Variants in DHRS7B observed in about 807,000 individuals in gnomAD.
DHRS7B encodes the protein peroxisomal reductase activating PPAR-gamma.
In DHRS7B, 24 loss-of-function variants were observed where a neutral mutation model predicts 26.4. That is an observed-to-expected ratio of 0.91 (90% CI 0.66 to 1.28). DHRS7B has a LOEUF of 1.28. Ranked by LOEUF, DHRS7B falls within the 50% of genes most tolerant of loss-of-function variation. DHRS7B has a pLI of 0.00. For synonymous variants in DHRS7B, 142 were observed against 166.4 expected (o/e 0.85, Z 1.13); for missense variants, 368 against 419.4 (o/e 0.88, Z 1.07).
chr17:21,180,658 G>A (rs1043596280), intron 3 of DHRS7B, among the ~76,000 whole-genome samples: 4 of 152,026 alleles, frequency 2.6e-5, no homozygotes, highest in African/African-American at 9.7e-5. Flanking sequence ...TTAGAGGGAC[G>A]GGGTGGAGCA....
intron 1 of DHRS7B, among the ~76,000 whole-genome samples, chr17:21,133,823 C>CA (rs1187432968): frequency 2.6e-5 from 4 of 152,062 alleles, no homozygotes; most frequent in Non-Finnish European, 5.9e-5. Flanking sequence ...AAAACAACAA[C>CA]AAACAAAAGA....
chr17:21,178,357 T>A lies in DHRS7B; in HGVS notation c.309+15T>A. ...ATGCCACCAAGGTGAGCCAGGGGCG[T>A]GCTTTCCATGGGGAAGGAGTGCAGG... is the stretch of plus-strand genomic sequence containing the variant. On this transcript the variant is annotated intron_variant, in intron 3 of 6. Coordinates refer to ENST00000395511, the MANE Select transcript of DHRS7B (RefSeq NM_015510.5). 1 of 1,608,878 alleles carries A rather than the reference T, an allele frequency of 6.2e-7. No individual in the cohort carries two copies. Among genetic ancestry groups the A allele is most frequent in the Non-Finnish European group, 8.5e-7 (1 of 1,175,996 alleles).
chr17:21,171,717 C>T, intron 1 of DHRS7B: 1 of 492,554 alleles, frequency 2.0e-6, no homozygotes, highest in South Asian at 2.1e-5. Flanking sequence ...CACACCACCT[C>T]TTCCTGTAAC....
chr17:21,132,892 AT>A (rs531121612), intron 1 of DHRS7B, among the ~76,000 whole-genome samples: 165 of 147,966 alleles, frequency 1.1e-3, no homozygotes, highest in Middle Eastern at 3.4e-3. Context: ...CAGCTAAAGG[AT>A]TTTTTTTTTT....
In DHRS7B at chr17:21,184,301, G is replaced by A. The variant is rs1050863995; in HGVS notation, c.527-70G>A. The A allele has an allele frequency of 1.3e-5, 17 of 1,358,066 alleles. 1 individual carries two copies. Among genetic ancestry groups the A allele is most frequent in the South Asian group, 6.2e-5 (5 of 80,822 alleles). The allele number at this position is 1,358,066 out of a possible 1,614,324, so 84.1% of individuals were successfully genotyped here. A position where few individuals can be genotyped will look rare whatever the true frequency, so the allele number is the denominator to read the frequency against. On this transcript the variant is annotated intron_variant, in intron 4 of 6. Transcript: ENST00000395511. ...CTGACTAAATATCAAAAGCAAGGTC[G>A]CCTTCCATCAGCATCGGGTGCAATG...
chr17:21,157,736 T>C lies in DHRS7B; in HGVS notation c.21-14282T>C, dbSNP rs1190822545. Among the ~76,000 whole-genome samples, 5 of 151,914 alleles carry C rather than the reference T, an allele frequency of 3.3e-5. 1 individual carries two copies. The highest frequency in any genetic ancestry group is 7.4e-5 in the Non-Finnish European group (5 of 68,002). On this transcript the variant is annotated intron_variant, in intron 1 of 6. Coordinates refer to ENST00000395511, the MANE Select transcript of DHRS7B (RefSeq NM_015510.5). ...ATGTAATCTGGCTGGAGGTGGTGGCTCATTCCTGTAGTCCCAGTACTTTGG... is the reference window on the plus strand; with the variant it reads ...ATGTAATCTGGCTGGAGGTGGTGGCCCATTCCTGTAGTCCCAGTACTTTGG...
rs748327143 is a variant in DHRS7B, at chr17:21,172,027, G to A, written c.30G>A (p.Leu10=). The change falls in exon 2 of 7, where the codon CTG becomes CTA. Residue 10 remains leucine, a synonymous_variant. Transcript: ENST00000395511. MVSPATRKS[L]PKVKAMDFIT... is the part of the protein sequence containing the mutation. ...GTTTTGGTTCTTCCAGGAAGAGTCT[G>A]CCGAAGGTGAAGGCCATGGACTTCA... 5.6e-6 allele frequency: 9 copies of A among 1,614,202 alleles called. No homozygotes were observed. The South Asian group carries it at 9.9e-5, about 18-fold the overall frequency.
At chr17:21,140,175 C>G (rs1448672152) in intron 1 of DHRS7B, among the ~76,000 whole-genome samples, 4 of 148,276 alleles carry the variant, frequency 2.7e-5, no homozygotes, top group Non-Finnish European at 6.0e-5. Flanking sequence ...AGGCGCCCAC[C>G]ACTACACCCA....
At chr17:21,160,811 G>A (rs1309033970) in intron 1 of DHRS7B, among the ~76,000 whole-genome samples, 1 of 151,926 alleles carries the variant, frequency 6.6e-6, no homozygotes, top group East Asian at 1.9e-4. Flanking sequence ...CCGAAACTTC[G>A]AAGCCACCAA....
chr17:21,177,221 G>C (rs1974399755), intron 2 of DHRS7B, among the ~76,000 whole-genome samples: 2 of 152,184 alleles, frequency 1.3e-5, no homozygotes, highest in Admixed American at 1.3e-4. Flanking sequence ...GAGCTCTGGG[G>C]CCTGCCCGCG....
chr17:21,171,776 C>T (rs1974253021), intron 1 of DHRS7B: 2 of 632,578 alleles, frequency 3.2e-6, no homozygotes, highest in African/African-American at 3.6e-5. Context: ...CGCTTGTTCC[C>T]TGAGGGGCAG....
At chr17:21,146,728 G>A (rs1460599171) in intron 1 of DHRS7B, among the ~76,000 whole-genome samples, 1 of 152,078 alleles carries the variant, frequency 6.6e-6, no homozygotes, top group Non-Finnish European at 1.5e-5. Context: ...ATTATTTTAT[G>A]GAAAAAACAA....
chr17:21,172,436 G>A (rs1453109609), intron 2 of DHRS7B: 4 of 538,364 alleles, frequency 7.4e-6, no homozygotes, highest in East Asian at 6.3e-5. Context: ...GCCTGGCCCC[G>A]GGGGTGGGGT....
chr17:21,180,328 C>T (rs1244351789), intron 3 of DHRS7B, among the ~76,000 whole-genome samples: 1 of 152,098 alleles, frequency 6.6e-6, no homozygotes, highest in East Asian at 1.9e-4. Context: ...CTGCCTCAGC[C>T]TCCCACAATG....
At chr17:21,153,789 C>T (rs1973822641) in intron 1 of DHRS7B, among the ~76,000 whole-genome samples, 1 of 152,064 alleles carries the variant, frequency 6.6e-6, no homozygotes, top group Non-Finnish European at 1.5e-5. Flanking sequence ...GCACTCATGA[C>T]TCAATCACCT....
intron 1 of DHRS7B, among the ~76,000 whole-genome samples, chr17:21,137,973 C>T (rs1973386033): frequency 6.6e-6 from 1 of 150,612 alleles, no homozygotes; most frequent in Non-Finnish European, 1.5e-5. Context: ...ACCTCGTGAT[C>T]TGCTTGCCTC....
chr17:21,184,539 C>A, intron 5 of DHRS7B, 76 bp downstream of exon 5: 2 of 1,411,934 alleles, frequency 1.4e-6, no homozygotes, highest in Non-Finnish European at 2.0e-6. Flanking sequence ...CATTTACTAT[C>A]TAGAATTTAG....
At chr17:21,165,147 T>G (rs1974082646) in intron 1 of DHRS7B, among the ~76,000 whole-genome samples, 1 of 152,128 alleles carries the variant, frequency 6.6e-6, no homozygotes, top group African/African-American at 2.4e-5. Context: ...CTGCCTGTGT[T>G]GCACAGCAAG....
intron 1 of DHRS7B, among the ~76,000 whole-genome samples, chr17:21,132,549 A>AAC (rs55980316): frequency 1.5e-5 from 2 of 134,852 alleles, no homozygotes; most frequent in Non-Finnish European, 3.1e-5. Flanking sequence ...AAAAAAAAAA[A>AAC]CAAAAAAAAA....
Sources: allele counts gnomAD v4.1 joint callset (sites outside exome capture counted in the v4.1 genomes callset), GRCh38; gene constraint gnomAD v4.1.1; transcripts MANE v1.5; gene names NCBI Gene and HGNC (gene_info 2026-07-23, HGNC 2026-07-21).